PTK2B: variants seen among roughly 807,000 people sequenced by gnomAD.
PTK2B encodes protein tyrosine kinase 2 beta, also known as protein-tyrosine kinase 2-beta.
In PTK2B, 71 loss-of-function variants were observed where a neutral mutation model predicts 142.9. The ratio of observed to expected loss-of-function variants is 0.50; its 90% CI spans 0.41 to 0.61. The LOEUF (loss-of-function observed/expected upper bound fraction) is 0.61. Ranked by LOEUF, PTK2B falls within the 20% of genes least tolerant of loss-of-function variation. The pLI, the probability that PTK2B is intolerant of heterozygous loss-of-function variation, is 0.00. For missense variants in PTK2B, 1,105 were observed against 1,320.4 expected (o/e 0.84, Z 2.53); for synonymous variants, 519 against 503.4 (o/e 1.03, Z -0.42).
Position 27,423,896 on chromosome 8 carries a change from T to A in PTK2B, c.551+1513T>A, listed in dbSNP as rs1025405820. On this transcript the variant is annotated intron_variant, in intron 5 of 30. Coordinates refer to ENST00000346049, the MANE Select transcript of PTK2B (RefSeq NM_173176.3). ...CTCAAGAAGCAAGGGAGCATTCGAG[T>A]CCTCTGTACAGAGGAGGCCTGTGGT... 2.6e-5 allele frequency among the ~76,000 whole-genome samples: 4 copies of A among 152,040 alleles called. No homozygotes were observed. The East Asian group carries it at 7.7e-4, about 29-fold the overall frequency.
intron 1 of PTK2B, among the ~76,000 whole-genome samples, chr8:27,341,462 A>C (rs1017986770): frequency 6.6e-6 from 1 of 152,206 alleles, no homozygotes; most frequent in Non-Finnish European, 1.5e-5. Flanking sequence ...AGAGATTCAG[A>C]TAAGAACAAG....
intron 3 of PTK2B, among the ~76,000 whole-genome samples, chr8:27,317,085 C>T (rs1803110941): frequency 6.6e-6 from 1 of 152,170 alleles, no homozygotes; most frequent in South Asian, 2.1e-4. Context: ...GCAGCAACTC[C>T]AGCATCTTAT....
intron 24 of PTK2B, among the ~76,000 whole-genome samples, chr8:27,447,398 C>T (rs1811534781): frequency 6.6e-6 from 1 of 152,184 alleles, no homozygotes; most frequent in African/African-American, 2.4e-5. Context: ...CCTCACAAAG[C>T]ATTTGGAAGC....
intron 30 of PTK2B, 52 bp downstream of exon 30, chr8:27,454,663 A>G (rs775035564): frequency 1.3e-6 from 2 of 1,579,200 alleles, no homozygotes; most frequent in Non-Finnish European, 1.7e-6. Context: ...GCTCCTGCTT[A>G]TGAGCCTCAT....
chr8:27,443,944 G>A (rs1291504548), intron 22 of PTK2B, among the ~76,000 whole-genome samples: 1 of 152,250 alleles, frequency 6.6e-6, no homozygotes, highest in Non-Finnish European at 1.5e-5. Context: ...GTATAGGGAA[G>A]CAACACATGC....
chr8:27,373,430 C>G (rs1806477810), intron 1 of PTK2B, among the ~76,000 whole-genome samples: 1 of 152,120 alleles, frequency 6.6e-6, no homozygotes, highest in African/African-American at 2.4e-5. Context: ...TAGAAAGTAG[C>G]TAAACAACTG....
intron 1 of PTK2B, among the ~76,000 whole-genome samples, chr8:27,386,962 A>G (rs1472167114): frequency 6.6e-6 from 1 of 151,854 alleles, no homozygotes; most frequent in African/African-American, 2.4e-5. Flanking sequence ...CTACATATCC[A>G]TGACTATATA....
At chr8:27,341,926 T>G (rs1804425240) in intron 1 of PTK2B, among the ~76,000 whole-genome samples, 1 of 152,128 alleles carries the variant, frequency 6.6e-6, no homozygotes, top group South Asian at 2.1e-4. Context: ...TCCTCCTGTC[T>G]TATCCTCCCA....
At chr8:27,397,814 C>T (rs1199488102) in intron 2 of PTK2B, 26 bp downstream of exon 2, 4 of 1,609,102 alleles carry the variant, frequency 2.5e-6, no homozygotes, top group Non-Finnish European at 3.4e-6. Flanking sequence ...CTGCCCTGTC[C>T]ATCTGTCTGT....
chr8:27,436,316 G>A lies in PTK2B; in HGVS notation c.1309G>A (p.Gly437Arg), dbSNP rs1274495430. Residue 437 changes from glycine to arginine, a missense_variant, in exon 15 of 31, where the codon GGG becomes AGG. Coordinates refer to ENST00000346049, the MANE Select transcript of PTK2B (RefSeq NM_173176.3). ...LNRILGEGFF[G>R]EVYEGVYTNH... ...TCGTATTCTTGGGGAAGGCTTTTTT[G>A]GGGAGGTCTATGAAGGTGTCTACAC... 1 of 1,613,992 alleles carries A rather than the reference G, an allele frequency of 6.2e-7. No homozygotes were observed. Among genetic ancestry groups the A allele is most frequent in the African/African-American group, 1.3e-5 (1 of 74,918 alleles).
At chr8:27,357,322 C>T (rs558541040) in intron 1 of PTK2B, among the ~76,000 whole-genome samples, 17 of 152,360 alleles carry the variant, frequency 1.1e-4, no homozygotes, top group African/African-American at 3.6e-4. Context: ...CAAGAATTTT[C>T]TCACCACTTG....
chr8:27,421,363 A>G (rs1809741683), intron 4 of PTK2B, among the ~76,000 whole-genome samples: 1 of 151,946 alleles, frequency 6.6e-6, no homozygotes. Context: ...GGTGTTGGTT[A>G]CATGAATAAT....
chr8:27,366,499 G>A (rs1806026756), intron 1 of PTK2B, among the ~76,000 whole-genome samples: 1 of 152,190 alleles, frequency 6.6e-6, no homozygotes, highest in South Asian at 2.1e-4. Flanking sequence ...GCCAGATCAT[G>A]GTCTTCCAAA....
chr8:27,385,595 A>T (rs1807297966), intron 1 of PTK2B, among the ~76,000 whole-genome samples: 1 of 152,166 alleles, frequency 6.6e-6, no homozygotes, highest in South Asian at 2.1e-4. Context: ...GAGTACAGAA[A>T]ATAAAACTGT....
intron 1 of PTK2B, among the ~76,000 whole-genome samples, chr8:27,327,635 C>G (rs2130775109): frequency 6.6e-6 from 1 of 152,144 alleles, no homozygotes; most frequent in East Asian, 1.9e-4. Flanking sequence ...ACCATTCCTC[C>G]TGGATTTTAT....
In PTK2B at chr8:27,440,422, G is replaced by A. The variant is rs780654139; in HGVS notation, c.2020G>A (p.Glu674Lys). Residue 674 changes from glutamate (E) to lysine (K), a missense_variant, in exon 21 of 31, where the codon GAG becomes AAG. By Grantham distance (56) the Glu-to-Lys change is moderately conservative. Coordinates refer to ENST00000346049, the MANE Select transcript of PTK2B (RefSeq NM_173176.3). Reference protein sequence around the residue: ...YDPSDRPRFTELVCSLSDVYQ... With the variant: ...YDPSDRPRFTKLVCSLSDVYQ... Reference sequence around the variant, plus strand: ...CCCCAGTGACCGGCCCCGCTTCACCGAGCTGGTGTGCAGCCTCAGGTGAGC... The same window carrying A: ...CCCCAGTGACCGGCCCCGCTTCACCAAGCTGGTGTGCAGCCTCAGGTGAGC... 1.3e-5 allele frequency: 21 copies of A among 1,613,764 alleles called. No individual in the cohort carries two copies. The highest frequency in any genetic ancestry group is 3.3e-5 in the South Asian group (3 of 91,074).
chr8:27,432,170 C>T lies in PTK2B; in HGVS notation c.886-90C>T, dbSNP rs1810472137. 8.0e-6 allele frequency: 9 copies of T among 1,128,082 alleles called. No individual in the cohort carries two copies. In the East Asian group the frequency reaches 2.1e-4, roughly 26 times the overall value. 69.9% of individuals were successfully genotyped at this position (1,128,082 alleles called of 1,614,324 possible). On this transcript the variant is annotated intron_variant, in intron 9 of 30. Coordinates refer to ENST00000346049, the MANE Select transcript of PTK2B (RefSeq NM_173176.3). Reference sequence around the variant, plus strand: ...CATCTCCCAGAGAAACTCCCAGTTCCTCCTCACCCCGGCTCCCCCATACTG... The same window carrying T: ...CATCTCCCAGAGAAACTCCCAGTTCTTCCTCACCCCGGCTCCCCCATACTG...
intron 26 of PTK2B, 27 bp from the exon 27 acceptor site, chr8:27,451,458 T>C: frequency 6.2e-7 from 1 of 1,613,746 alleles, no homozygotes; most frequent in African/African-American, 1.3e-5. Context: ...TGAGTGACGT[T>C]CCTGTTCTCT....
At chr8:27,408,088 G>A (rs1006836623) in intron 2 of PTK2B, among the ~76,000 whole-genome samples, 1 of 152,186 alleles carries the variant, frequency 6.6e-6, no homozygotes, top group African/African-American at 2.4e-5. Context: ...AGCCTCAGAA[G>A]CAAAAGTTTT....
Sources: gnomAD v4.1 joint callset for allele counts (sites outside exome capture counted in the v4.1 genomes callset) on GRCh38, gnomAD v4.1.1 for gene constraint, MANE v1.5 for transcripts, NCBI Gene and HGNC (gene_info 2026-07-23, HGNC 2026-07-21) for gene names.